CADPS2: variants seen among roughly 807,000 people sequenced by gnomAD.
The protein encoded by CADPS2 is calcium dependent secretion activator 2.
Under a neutral mutation model 172.5 loss-of-function variants are expected in CADPS2, and 93 were observed. The ratio of observed to expected loss-of-function variants is 0.54; its 90% CI spans 0.46 to 0.64. The LOEUF is 0.64. CADPS2 is among the 30% of genes least tolerant of loss of function. CADPS2 has a pLI of 0.00. For missense variants in CADPS2, 1,420 were observed against 1,565.9 expected (o/e 0.91, Z 1.57); for synonymous variants, 546 against 555.2 (o/e 0.98, Z 0.23).
rs200555155 is a variant in CADPS2, at chr7:122,393,419, G to A, written c.2888+22C>T. ...AGGGTTGAAGAGGCAGGTGCTCTAC[G>A]GACACTAGGTAAGATACCTACTTGA... On this transcript the variant is annotated intron_variant, in intron 21 of 29. Coordinates refer to ENST00000449022, the MANE Select transcript of CADPS2 (RefSeq NM_017954.11). 1.6e-3 allele frequency: 2,553 copies of A among 1,613,394 alleles called. 4 individuals carry two copies. The highest frequency in any genetic ancestry group is 1.7e-3 in the Non-Finnish European group (1,994 of 1,179,530).
intron 2 of CADPS2, among the ~76,000 whole-genome samples, chr7:122,668,009 T>C (rs2081359949): frequency 6.6e-6 from 1 of 152,020 alleles, no homozygotes; most frequent in East Asian, 1.9e-4. Flanking sequence ...GCTAAAATGG[T>C]TAGAAGCATA....
At chr7:122,774,210 G>A (rs1173277601) in intron 1 of CADPS2, among the ~76,000 whole-genome samples, 1 of 150,012 alleles carries the variant, frequency 6.7e-6, no homozygotes, top group Non-Finnish European at 1.5e-5. Flanking sequence ...AAATTAATTT[G>A]CTAAAATTTA....
At chr7:122,635,599 G>A (rs1385764646) in intron 3 of CADPS2, among the ~76,000 whole-genome samples, 3 of 152,116 alleles carry the variant, frequency 2.0e-5, no homozygotes, top group South Asian at 2.1e-4. Flanking sequence ...TCCTTACAAA[G>A]GACATGAACT....
chr7:122,599,247 A>T (rs1161021167), intron 6 of CADPS2, among the ~76,000 whole-genome samples: 2 of 152,036 alleles, frequency 1.3e-5, no homozygotes, highest in African/African-American at 4.8e-5. Flanking sequence ...CCTGCTTGAA[A>T]ATACCATACA....
chr7:122,353,430 A>G (rs889942795), intron 27 of CADPS2, among the ~76,000 whole-genome samples: 1 of 152,020 alleles, frequency 6.6e-6, no homozygotes, highest in Non-Finnish European at 1.5e-5. Flanking sequence ...CATCAGTACG[A>G]TTAAGCCAAT....
intron 14 of CADPS2, among the ~76,000 whole-genome samples, chr7:122,459,731 CT>C (rs1304047765): frequency 2.8e-4 from 42 of 152,072 alleles, no homozygotes; most frequent in Admixed American, 2.8e-3. Flanking sequence ...AATATATCAC[CT>C]ATAAAATTTG....
At chr7:122,537,276 A>G (rs2062399480) in intron 8 of CADPS2, among the ~76,000 whole-genome samples, 1 of 151,446 alleles carries the variant, frequency 6.6e-6, no homozygotes. Context: ...ATGAATGGTA[A>G]TACAAGCAAA....
At chr7:122,431,277 T>G (rs1464531268) in intron 17 of CADPS2, among the ~76,000 whole-genome samples, 2 of 152,240 alleles carry the variant, frequency 1.3e-5, no homozygotes, top group Non-Finnish European at 2.9e-5. Context: ...GCACATCTCT[T>G]GGCACTGTGG....
At chr7:122,727,810 C>T (rs1385870571) in intron 2 of CADPS2, among the ~76,000 whole-genome samples, 1 of 151,904 alleles carries the variant, frequency 6.6e-6, no homozygotes, top group Non-Finnish European at 1.5e-5. Context: ...CAAATTCTTA[C>T]TCAACACTTA....
intron 7 of CADPS2, among the ~76,000 whole-genome samples, chr7:122,574,440 T>C (rs1489595060): frequency 1.6e-4 from 2 of 12,356 alleles, no homozygotes; most frequent in Non-Finnish European, 4.4e-4. Context: ...AGTGAGACCC[T>C]GTCTTAAAAA....
At position 122,387,178 on chromosome 7, in the gene CADPS2, T is replaced by C; in HGVS notation, c.3165-5A>G. 6.4e-7 allele frequency: 1 copy of C among 1,572,610 alleles called. No homozygotes were observed. The highest frequency in any genetic ancestry group is 8.6e-7 in the Non-Finnish European group (1 of 1,156,788). On this transcript the variant is annotated splice_region_variant and splice_polypyrimidine_tract_variant and intron_variant, in intron 23 of 29. Transcript: ENST00000449022. ...AGTTCAAATGCAGTTCTTGTTCTAGTTTTTAAAACATGAATTCAGAGTAAG... is the reference window on the plus strand; with the variant it reads ...AGTTCAAATGCAGTTCTTGTTCTAGCTTTTAAAACATGAATTCAGAGTAAG...
At chr7:122,387,257 G>C in intron 23 of CADPS2, 84 bp from the exon 24 acceptor site, 8 of 1,348,078 alleles carry the variant, frequency 5.9e-6, no homozygotes, top group Non-Finnish European at 8.1e-6. Flanking sequence ...AACACTACAA[G>C]ATGCTAATTT....
intron 1 of CADPS2, among the ~76,000 whole-genome samples, chr7:122,848,467 G>A: frequency 6.6e-6 from 1 of 152,210 alleles, no homozygotes; most frequent in Non-Finnish European, 1.5e-5. Flanking sequence ...CGTTCTCACA[G>A]TAGAGGAGCC....
chr7:122,867,647 T>C (rs898244361), intron 1 of CADPS2, among the ~76,000 whole-genome samples: 2 of 152,190 alleles, frequency 1.3e-5, no homozygotes, highest in Admixed American at 1.3e-4. Context: ...GCATGGTCAT[T>C]CCCAGCAGTT....
At chr7:122,773,798 A>T (rs1283718494) in intron 1 of CADPS2, among the ~76,000 whole-genome samples, 1 of 152,078 alleles carries the variant, frequency 6.6e-6, no homozygotes, top group Non-Finnish European at 1.5e-5. Context: ...TTATCATCCC[A>T]GTTTTCTTGC....
At chr7:122,657,180 G>GTACCA (rs1308580098) in intron 3 of CADPS2, among the ~76,000 whole-genome samples, 2 of 152,056 alleles carry the variant, frequency 1.3e-5, no homozygotes, top group Non-Finnish European at 2.9e-5. Flanking sequence ...CTCTGTTTTG[G>GTACCA]TACCAGTACC....
At chr7:122,638,337 TG>T (rs1217632929) in intron 3 of CADPS2, among the ~76,000 whole-genome samples, 1 of 152,136 alleles carries the variant, frequency 6.6e-6, no homozygotes, top group East Asian at 1.9e-4. Flanking sequence ...ACCCCCTGCT[TG>T]GGGCTCTGCC....
At chr7:122,472,921 A>T (rs1367119169) in intron 13 of CADPS2, among the ~76,000 whole-genome samples, 1 of 152,032 alleles carries the variant, frequency 6.6e-6, no homozygotes, top group Non-Finnish European at 1.5e-5. Context: ...GGGGGGGCGC[A>T]TTTTGTCTGA....
chr7:122,835,043 C>A (rs1807917715), intron 1 of CADPS2, among the ~76,000 whole-genome samples: 1 of 152,190 alleles, frequency 6.6e-6, no homozygotes, highest in Non-Finnish European at 1.5e-5. Context: ...CCAGGAGGGA[C>A]AGACAGACAC....
Sources: gnomAD v4.1 joint callset for allele counts (sites outside exome capture counted in the v4.1 genomes callset) on GRCh38, gnomAD v4.1.1 for gene constraint, MANE v1.5 for transcripts, NCBI Gene and HGNC (gene_info 2026-07-23, HGNC 2026-07-21) for gene names.